The following CBFA2T2 variants were observed in gnomAD, a reference collection of about 807,000 sequenced individuals.
CBFA2T2 encodes CBFA2/RUNX1 partner transcriptional co-repressor 2, also known as protein CBFA2T2.
In CBFA2T2, 11 loss-of-function variants were observed where a neutral mutation model predicts 62.2. The observed-to-expected ratio is 0.18, with a 90% confidence interval of 0.11 to 0.29. The LOEUF is 0.29. Among genes scored for constraint, CBFA2T2 ranks in the 10% least tolerant of loss-of-function variants. CBFA2T2 has a pLI of 1.00. For synonymous variants in CBFA2T2, 295 were observed against 287.5 expected (o/e 1.03, Z -0.27); for missense variants, 592 against 774.1 (o/e 0.76, Z 2.79).
intron 1 of CBFA2T2, among the ~76,000 whole-genome samples, chr20:33,490,550 C>G (rs2011139085): frequency 6.6e-6 from 1 of 152,274 alleles, no homozygotes; most frequent in South Asian, 2.1e-4. Context: ...CCCGCGGCCT[C>G]GGAACTTAGG....
intron 1 of CBFA2T2, among the ~76,000 whole-genome samples, chr20:33,521,931 A>G (rs1361090837): frequency 6.6e-6 from 1 of 152,052 alleles, no homozygotes; most frequent in East Asian, 1.9e-4. Context: ...TTACTTGAAG[A>G]TATTTCCAGC....
intron 1 of CBFA2T2, among the ~76,000 whole-genome samples, chr20:33,592,006 A>G (rs1179191566): frequency 1.3e-5 from 2 of 152,252 alleles, no homozygotes; most frequent in Admixed American, 6.5e-5. Context: ...GTCTGTCACC[A>G]TGCCTAGGGC....
At chr20:33,590,998 A>T (rs2014591390) in intron 1 of CBFA2T2, among the ~76,000 whole-genome samples, 1 of 151,710 alleles carries the variant, frequency 6.6e-6, no homozygotes, top group South Asian at 2.1e-4. Flanking sequence ...AACATGGTGA[A>T]ACCCCATCTC....
chr20:33,495,327 C>T (rs1016423595), intron 1 of CBFA2T2, among the ~76,000 whole-genome samples: 4 of 144,688 alleles, frequency 2.8e-5, no homozygotes, highest in East Asian at 4.2e-4. Flanking sequence ...CAGAGGTGGC[C>T]GTGAGCTGAG....
At chr20:33,583,242 C>T (rs953501535) in intron 1 of CBFA2T2, among the ~76,000 whole-genome samples, 1 of 152,160 alleles carries the variant, frequency 6.6e-6, no homozygotes, top group Non-Finnish European at 1.5e-5. Context: ...TACAAGAACA[C>T]TATTGTATCG....
intron 1 of CBFA2T2, among the ~76,000 whole-genome samples, chr20:33,586,257 C>G (rs1290889849): frequency 2.0e-5 from 3 of 152,238 alleles, no homozygotes; most frequent in Middle Eastern, 3.4e-3. Flanking sequence ...CAGCTCATTG[C>G]AACCTCTGCC....
In CBFA2T2 at chr20:33,611,109, A is replaced by G. The variant is rs767216361; in HGVS notation, c.194A>G (p.Asn65Ser). 1.2e-5 allele frequency: 19 copies of G among 1,614,052 alleles called. No homozygotes were observed. Among genetic ancestry groups the G allele is most frequent in the Admixed American group, 1.0e-4 (6 of 59,986 alleles). ...TTTCTTTTAGTAAGCAATGGCATCA[A>G]CCATTCTCCTCCTACCCTGAATGGT... The part of the protein sequence containing the change: ...FTPTALSNGI[N>S]HSPPTLNGAP... Residue 65 changes from asparagine to serine, a missense_variant, in exon 3 of 11, where the codon AAC becomes AGC. By Grantham distance (46) the Asn-to-Ser change is conservative (BLOSUM62 1). This residue lies in a region of CBFA2T2 where 449 missense variants were observed against 551.2 expected (regional missense o/e 0.81). Transcript: ENST00000342704.
At chr20:33,530,343 T>C (rs771461215) in intron 1 of CBFA2T2, among the ~76,000 whole-genome samples, 12 of 152,216 alleles carry the variant, frequency 7.9e-5, no homozygotes, top group Non-Finnish European at 1.6e-4. Context: ...AATGAGAGCA[T>C]GAGAGGCAAT....
intron 8 of CBFA2T2, among the ~76,000 whole-genome samples, chr20:33,633,876 T>C (rs2016538379): frequency 6.6e-6 from 1 of 152,230 alleles, no homozygotes; most frequent in Admixed American, 6.5e-5. Context: ...CTTATGATGT[T>C]AAATTGTATA....
intron 1 of CBFA2T2, among the ~76,000 whole-genome samples, chr20:33,496,119 G>T (rs1444623787): frequency 1.3e-5 from 2 of 152,182 alleles, no homozygotes; most frequent in African/African-American, 4.8e-5. Flanking sequence ...GAGATTCCAG[G>T]TAAGGTCCAG....
chr20:33,623,559 A>ATGTTTGTTTGTT (rs72452489), intron 5 of CBFA2T2, among the ~76,000 whole-genome samples: 20 of 148,882 alleles, frequency 1.3e-4, no homozygotes, highest in East Asian at 4.0e-4. Context: ...TGACCAGCTA[A>ATGTTTGTTTGTT]TGTTTGTTTG....
intron 1 of CBFA2T2, among the ~76,000 whole-genome samples, chr20:33,583,842 C>G (rs1158501887): frequency 6.6e-6 from 1 of 152,212 alleles, no homozygotes; most frequent in Non-Finnish European, 1.5e-5. Context: ...CCATGCCACA[C>G]TGTGAACTTG....
chr20:33,583,580 G>A (rs997943309), intron 1 of CBFA2T2, among the ~76,000 whole-genome samples: 2 of 152,114 alleles, frequency 1.3e-5, no homozygotes, highest in South Asian at 2.1e-4. Flanking sequence ...TTCCAAAAAC[G>A]GATAATTACA....
At chr20:33,605,050 T>A (rs1266961592) in intron 1 of CBFA2T2, among the ~76,000 whole-genome samples, 1 of 152,224 alleles carries the variant, frequency 6.6e-6, no homozygotes, top group Non-Finnish European at 1.5e-5. Flanking sequence ...GAACTGCACA[T>A]TTTTGTCAGG....
At chr20:33,618,577 A>G (rs993379467) in intron 3 of CBFA2T2, 4 of 152,252 alleles carry the variant, frequency 2.6e-5, no homozygotes, top group African/African-American at 9.7e-5. Context: ...TCTGGTATGC[A>G]TAATGCATAC....
intron 6 of CBFA2T2, among the ~76,000 whole-genome samples, chr20:33,627,277 G>T (rs1450558710): frequency 1.3e-5 from 2 of 152,018 alleles, no homozygotes; most frequent in African/African-American, 4.8e-5. Context: ...GGCACCTGTA[G>T]TCCCAGCTAC....
intron 3 of CBFA2T2, among the ~76,000 whole-genome samples, chr20:33,618,800 C>T (rs890171062): frequency 6.6e-6 from 1 of 152,156 alleles, no homozygotes. Flanking sequence ...TAGGCCAAGT[C>T]ATTATCTCTG....
At chr20:33,524,428 A>G (rs2011825748) in intron 1 of CBFA2T2, among the ~76,000 whole-genome samples, 1 of 152,122 alleles carries the variant, frequency 6.6e-6, no homozygotes, top group Admixed American at 6.6e-5. Flanking sequence ...CCAGATGGGT[A>G]TGGTTTTGGA....
intron 1 of CBFA2T2, among the ~76,000 whole-genome samples, chr20:33,547,962 G>C (rs1322387692): frequency 6.6e-6 from 1 of 152,078 alleles, no homozygotes; most frequent in East Asian, 1.9e-4. Context: ...TTTTTGTGGA[G>C]AATGGGGTCT....
Sources: allele counts gnomAD v4.1 joint callset (sites outside exome capture counted in the v4.1 genomes callset), GRCh38; gene constraint gnomAD v4.1.1; regional missense constraint gnomAD v4.1.1; transcripts MANE v1.5; gene names NCBI Gene and HGNC (gene_info 2026-07-23, HGNC 2026-07-21).